ANKS3: variants seen among roughly 807,000 people sequenced by gnomAD.
ANKS3 encodes the protein ankyrin repeat and SAM domain-containing protein 3.
In ANKS3, 62 loss-of-function variants were observed where a neutral mutation model predicts 80.7. That is an observed-to-expected ratio of 0.77 (90% CI 0.63 to 0.95). The LOEUF (loss-of-function observed/expected upper bound fraction) is 0.95, where lower values mean the gene tolerates loss of function less well. Ranked by LOEUF, ANKS3 falls within the 40% of genes least tolerant of loss-of-function variation. ANKS3 has a pLI of 0.00. For missense variants in ANKS3, 1,150 were observed against 883.6 expected (o/e 1.30, Z -3.82); for synonymous variants, 489 against 355.3 (o/e 1.38, Z -4.23).
intron 7 of ANKS3, 135 bp downstream of exon 7, chr16:4,713,916 G>A: frequency 8.0e-7 from 1 of 1,243,760 alleles, no homozygotes; most frequent in East Asian, 2.5e-5. Context: ...TGACATGTAA[G>A]CAGCTGGGGG....
chr16:4,702,380 C>A (rs1251574291), intron 8 of ANKS3, 138 bp from the exon 9 acceptor site: 41 of 927,710 alleles, frequency 4.4e-5, no homozygotes, highest in Non-Finnish European at 4.9e-5. Flanking sequence ...ATGGCTCTAT[C>A]TGTGGTGTGT....
chr16:4,721,088 G>A (rs571106269), intron 6 of ANKS3, among the ~76,000 whole-genome samples: 4 of 148,146 alleles, frequency 2.7e-5, no homozygotes, highest in Non-Finnish European at 6.0e-5. Flanking sequence ...GGCGGATCAC[G>A]AGGTCAGGAG....
In ANKS3 at chr16:4,721,593, A is replaced by C. The variant is rs934602201; in HGVS notation, c.573+3157T>G. On this transcript the variant is annotated intron_variant, in intron 6 of 17. Coordinates refer to ENST00000304283, the MANE Select transcript of ANKS3 (RefSeq NM_133450.4). ...ACCACTCCACTCCAGCCTGAGGGAC[A>C]GAGCAAGACCCCATCTCTTTATTGA... 8.0e-5 allele frequency among the ~76,000 whole-genome samples: 12 copies of C among 150,338 alleles called. 1 individual carries two copies. The highest frequency in any genetic ancestry group is 1.8e-4 in the Non-Finnish European group (12 of 67,416).
intron 8 of ANKS3, among the ~76,000 whole-genome samples, chr16:4,704,193 C>T (rs1684615): frequency 0.49 from 74,556 of 152,002 alleles, 18,525 homozygotes; most frequent in East Asian, 0.64. Context: ...GTCTCCAGTT[C>T]CCAACCCAGC....
intron 7 of ANKS3, among the ~76,000 whole-genome samples, chr16:4,711,929 T>C (rs568582727): frequency 4.6e-5 from 7 of 152,262 alleles, no homozygotes; most frequent in Admixed American, 2.6e-4. Context: ...GATGGTTTCA[T>C]GGGAGGATTC....
At chr16:4,697,529 C>G in intron 15 of ANKS3, 113 bp from the exon 16 acceptor site, 1 of 864,954 alleles carries the variant, frequency 1.2e-6, no homozygotes, top group Admixed American at 3.1e-5. Context: ...ACCTCCCTAC[C>G]CGCCTGACAG....
chr16:4,721,267 T>C (rs1056240775), intron 6 of ANKS3, among the ~76,000 whole-genome samples: 3 of 144,758 alleles, frequency 2.1e-5, no homozygotes, highest in African/African-American at 7.7e-5. Flanking sequence ...ATCGTGCCAC[T>C]GCACTCTAGC....
intron 3 of ANKS3, 78 bp downstream of exon 3, chr16:4,729,902 G>A: frequency 1.5e-6 from 2 of 1,326,778 alleles, no homozygotes; most frequent in Non-Finnish European, 2.0e-6. Context: ...ACAACTGTGT[G>A]CAAAGCCCCA....
chr16:4,708,120 A>AAT (rs112270184), intron 7 of ANKS3, among the ~76,000 whole-genome samples: 88 of 149,008 alleles, frequency 5.9e-4, no homozygotes, highest in African/African-American at 1.8e-3. Flanking sequence ...ATCTGAAAAA[A>AAT]ATATATATAT....
At chr16:4,700,767 A>T (rs757029688) in intron 11 of ANKS3, 1 of 791,446 alleles carries the variant, frequency 1.3e-6, no homozygotes. Flanking sequence ...CTTTCCGTGG[A>T]GAGGAACAGA....
chr16:4,699,215 TGAC>T, intron 11 of ANKS3, 39 bp from the exon 12 acceptor site: 2 of 1,608,694 alleles, frequency 1.2e-6, no homozygotes, highest in Admixed American at 1.7e-5. Flanking sequence ...AGGTAGTGGC[TGAC>T]GACGAAGCAG....
At chr16:4,724,949 A>G (rs2142144383) in intron 5 of ANKS3, 118 bp from the exon 6 acceptor site, 1 of 752,254 alleles carries the variant, frequency 1.3e-6, no homozygotes, top group Non-Finnish European at 2.2e-6. Flanking sequence ...AGCGTAGAAC[A>G]CTGTCCCTTT....
chr16:4,698,175 C>T (rs2079683933), intron 14 of ANKS3, 113 bp from the exon 15 acceptor site: 3 of 1,311,412 alleles, frequency 2.3e-6, no homozygotes, highest in Non-Finnish European at 2.1e-6. Context: ...GCAGCTGGCC[C>T]TCATGGGCTG....
intron 6 of ANKS3, among the ~76,000 whole-genome samples, chr16:4,721,625 GATTTATTTATTTATTT>G (rs55661418): frequency 2.3e-4 from 34 of 145,514 alleles, no homozygotes; most frequent in African/African-American, 4.3e-4. Context: ...TTGATTTATT[GATTTATTTATTTATTT>G]ATTTATTTAT....
intron 1 of ANKS3, 108 bp from the exon 2 acceptor site, chr16:4,731,687 C>G (rs1434905048): frequency 1.6e-5 from 9 of 566,824 alleles, no homozygotes; most frequent in Non-Finnish European, 2.0e-5. Flanking sequence ...AATTCCCCAA[C>G]AGACAAACCA....
intron 3 of ANKS3, chr16:4,728,218 T>G (rs966318941): frequency 6.6e-6 from 1 of 152,336 alleles, no homozygotes; most frequent in Admixed American, 6.6e-5. Flanking sequence ...GCTAGTTTTT[T>G]GTATTTTTAG....
intron 14 of ANKS3, 118 bp from the exon 15 acceptor site, chr16:4,698,180 G>C (rs1273405274): frequency 7.8e-7 from 1 of 1,275,038 alleles, no homozygotes; most frequent in Non-Finnish European, 1.1e-6. Context: ...TGGCCCTCAT[G>C]GGCTGGGCCA....
At chr16:4,698,375 C>T (rs184430763) in intron 14 of ANKS3, 52 bp downstream of exon 14, 2 of 1,438,064 alleles carry the variant, frequency 1.4e-6, no homozygotes, top group Non-Finnish European at 1.8e-6. Flanking sequence ...GGCCCAGGGG[C>T]CAGGTGGCTG....
Position 4,702,191 on chromosome 16 carries a change from G to C in ANKS3, c.920C>G (p.Pro307Arg). The change falls in exon 9 of 18, where the codon CCC becomes CGC. Residue 307 changes from proline (P) to arginine (R), a missense_variant. Physicochemically the swap from Pro to Arg is moderately radical, Grantham distance 103. Coordinates refer to ENST00000304283, the MANE Select transcript of ANKS3 (RefSeq NM_133450.4). The part of the protein sequence containing the change: ...YVTFNSSGEN[P>R]LEEEGLCCRD... ...GCAGCAGAGGCCCTCTTCTTCCAGG[G>C]GGTTCTCGCCACTGCTGTTGAAGGT... The C allele has an allele frequency of 6.3e-7, 1 of 1,594,544 alleles. No individual in the cohort carries two copies. Among genetic ancestry groups the C allele is most frequent in the Non-Finnish European group, 8.5e-7 (1 of 1,170,720 alleles).
Sources: gnomAD v4.1 joint callset for allele counts (sites outside exome capture counted in the v4.1 genomes callset) on GRCh38, gnomAD v4.1.1 for gene constraint, MANE v1.5 for transcripts, NCBI Gene and HGNC (gene_info 2026-07-23, HGNC 2026-07-21) for gene names.